The following BORCS5 variants were observed in gnomAD, a reference collection of about 807,000 sequenced individuals.
The protein encoded by BORCS5 is BLOC-1 related complex subunit 5, also known as BLOC-1-related complex subunit 5.
Under a neutral mutation model 22.1 loss-of-function variants are expected in BORCS5, and 17 were observed. The ratio of observed to expected loss-of-function variants is 0.77; its 90% confidence interval spans 0.53 to 1.15. BORCS5 has a LOEUF of 1.15. BORCS5 is among the 50% of genes most tolerant of loss of function. BORCS5 has a pLI of 0.00. For missense variants in BORCS5, 247 were observed against 253.2 expected, an observed-to-expected ratio of 0.98 and a Z score of 0.17; for synonymous variants, 117 against 99.8, an observed-to-expected ratio of 1.17 and a Z score of -1.03.
intron 2 of BORCS5, among the ~76,000 whole-genome samples, chr12:12,399,518 A>G (rs1189048188): frequency 1.3e-5 from 2 of 152,184 alleles, no homozygotes; most frequent in Non-Finnish European, 2.9e-5. Context: ...GAATATAAAG[A>G]TGGAATACAA....
chr12:12,376,512 C>T (rs1408770383), intron 2 of BORCS5, among the ~76,000 whole-genome samples: 1 of 152,072 alleles, frequency 6.6e-6, no homozygotes, highest in Non-Finnish European at 1.5e-5. Flanking sequence ...GGATTACAGG[C>T]GTGAGCCACT....
At position 12,357,504 on chromosome 12, in the gene BORCS5, C is replaced by A. The variant is rs573853353; in HGVS notation, c.53C>A (p.Ser18Tyr). ...GAGAGCCGACCCAACGATCTGAACT[C>A]CTCAGGTCGGTGTCCTAACCTCCCA... The part of the protein sequence containing the change: ...EAESRPNDLN[S>Y]SVTPSPAKHR... The change falls in exon 1 of 4, where the codon TCC becomes TAC. Residue 18 changes from serine to tyrosine, a missense_variant. Coordinates refer to ENST00000314565, the MANE Select transcript of BORCS5 (RefSeq NM_058169.6). The A allele has an allele frequency of 3.1e-5, 50 of 1,609,252 alleles. 1 individual carries two copies. In the South Asian group the frequency reaches 5.5e-4, roughly 18 times the overall value.
Position 12,448,663 on chromosome 12 carries a change from G to A in BORCS5, c.360+12878G>A, listed in dbSNP as rs1181829142. Among the ~76,000 whole-genome samples, 3 of 151,880 alleles carry A rather than the reference G, an allele frequency of 2.0e-5. No homozygotes were observed. The East Asian group carries it at 5.8e-4, about 29-fold the overall frequency. ...CCTGCCTCAGCCTCCCGAGTAGCTG[G>A]GATTATAGGCGCCTGCCATCATGCC... On this transcript the variant is annotated intron_variant, in intron 3 of 3. Coordinates refer to ENST00000314565, the MANE Select transcript of BORCS5 (RefSeq NM_058169.6).
chr12:12,372,810 C>T (rs1340918000), intron 2 of BORCS5, among the ~76,000 whole-genome samples: 1 of 152,148 alleles, frequency 6.6e-6, no homozygotes, highest in Non-Finnish European at 1.5e-5. Context: ...TCTGGAATTT[C>T]ACCTTACAAA....
Position 12,470,133 on chromosome 12 carries a change from C to T in BORCS5, c.*4357C>T, listed in dbSNP as rs1210039236. Among the ~76,000 whole-genome samples, 3 of 152,118 alleles carry T rather than the reference C, an allele frequency of 2.0e-5. No individual in the cohort carries two copies. The highest frequency in any genetic ancestry group is 3.9e-4 in the East Asian group (2 of 5,182). On this transcript the variant is annotated 3_prime_UTR_variant, in exon 4 of 4. Transcript: ENST00000314565. ...TTGCCCAGGCTGGAGTGCAGTGGCA[C>T]GATCTCGGCTCACTGCAACCTCCGC... is the stretch of plus-strand genomic sequence containing the variant.
intron 3 of BORCS5, 72 bp downstream of exon 3, chr12:12,435,857 A>G (rs16908059): frequency 0.091 from 132,919 of 1,461,772 alleles, 7,092 homozygotes; most frequent in East Asian, 0.21. Flanking sequence ...TGCCATCTTA[A>G]GACTTGACAT....
intron 3 of BORCS5, among the ~76,000 whole-genome samples, chr12:12,464,550 A>G (rs1943165179): frequency 6.6e-6 from 1 of 152,076 alleles, no homozygotes; most frequent in African/African-American, 2.4e-5. Flanking sequence ...GAACCTTGGG[A>G]TAGGAGTGTG....
At chr12:12,424,817 T>C (rs1942236969) in intron 2 of BORCS5, among the ~76,000 whole-genome samples, 1 of 152,202 alleles carries the variant, frequency 6.6e-6, no homozygotes, top group South Asian at 2.1e-4. Flanking sequence ...TGGGCATGCA[T>C]AGCAACTTTC....
chr12:12,446,268 AAAGT>A (rs1157253485), intron 3 of BORCS5, among the ~76,000 whole-genome samples: 1 of 152,182 alleles, frequency 6.6e-6, no homozygotes, highest in African/African-American at 2.4e-5. Flanking sequence ...ATAAAAAAAA[AAAGT>A]AAGGGGATAT....
chr12:12,445,670 G>T (rs1411204574), intron 3 of BORCS5, among the ~76,000 whole-genome samples: 7 of 149,502 alleles, frequency 4.7e-5, no homozygotes, highest in African/African-American at 1.7e-4. Flanking sequence ...GTCTTGTTCT[G>T]TCACTTAGGC....
At chr12:12,372,762 A>T (rs1280798618) in intron 2 of BORCS5, among the ~76,000 whole-genome samples, 1 of 152,064 alleles carries the variant, frequency 6.6e-6, no homozygotes, top group African/African-American at 2.4e-5. Flanking sequence ...TCTTCAGAAA[A>T]TATTTGGCCT....
intron 2 of BORCS5, among the ~76,000 whole-genome samples, chr12:12,412,933 ATTC>A (rs1206031905): frequency 1.3e-5 from 1 of 76,466 alleles, no homozygotes; most frequent in African/African-American, 4.6e-5. Flanking sequence ...TTTATTGATA[ATTC>A]TTGGGTGTTT....
intron 1 of BORCS5, 119 bp downstream of exon 1, chr12:12,357,628 G>C: frequency 9.3e-7 from 1 of 1,079,676 alleles, no homozygotes; most frequent in Non-Finnish European, 1.3e-6. Context: ...CCTTCACCGT[G>C]CTAGTAGGAA....
chr12:12,438,385 A>AAAAAAAAAAAAAAAAAC (rs1555156048), intron 3 of BORCS5, among the ~76,000 whole-genome samples: 4 of 126,112 alleles, frequency 3.2e-5, no homozygotes, highest in East Asian at 4.0e-4. Context: ...AAAAAACGAA[A>AAAAAAAAAAAAAAAAAC]AACAACAACA....
intron 3 of BORCS5, among the ~76,000 whole-genome samples, chr12:12,443,810 T>C (rs2136136171): frequency 6.6e-6 from 1 of 152,300 alleles, no homozygotes; most frequent in African/African-American, 2.4e-5. Flanking sequence ...GACAGCTGGC[T>C]CTGCCAGCTT....
chr12:12,426,142 A>G (rs1464705494), intron 2 of BORCS5, among the ~76,000 whole-genome samples: 12 of 152,180 alleles, frequency 7.9e-5, no homozygotes, highest in African/African-American at 1.4e-4. Context: ...AAACTTTTTC[A>G]TTATACCATG....
intron 2 of BORCS5, among the ~76,000 whole-genome samples, chr12:12,402,350 G>C (rs573587056): frequency 6.6e-6 from 1 of 152,234 alleles, no homozygotes; most frequent in African/African-American, 2.4e-5. Context: ...CATGAGATTC[G>C]TGAATTCAGC....
Position 12,435,520 on chromosome 12 carries a change from A to T in BORCS5, c.203-108A>T, listed in dbSNP as rs2136124742. ...TCATTAACATATAACAAAAGATGCA[A>T]GATTAAATTGAAGTCTTACCCTGTC... On this transcript the variant is annotated intron_variant, in intron 2 of 3. Transcript: ENST00000314565. The T allele has an allele frequency of 3.5e-6, 3 of 865,958 alleles. No individual in the cohort carries two copies. The East Asian group carries it at 8.0e-5, about 23-fold the overall frequency. 53.6% of individuals were successfully genotyped at this position (865,958 alleles called of 1,614,324 possible).
rs114989930 is a variant in BORCS5, at chr12:12,387,845, A to G, written c.202+26496A>G. Among the ~76,000 whole-genome samples the G allele has an allele frequency of 1.9e-3, 281 of 151,586 alleles. 10 individuals are homozygous for G. Among genetic ancestry groups the G allele is most frequent in the African/African-American group, 6.7e-3 (275 of 41,334 alleles). On this transcript the variant is annotated intron_variant, in intron 2 of 3. Coordinates refer to ENST00000314565, the MANE Select transcript of BORCS5 (RefSeq NM_058169.6). Reference sequence around the variant, plus strand: ...ACAGTTCAGTGTCACATGTAGCCTCAGTTTCTAGCTTGTTGAAGCCTTTTT... The same window carrying G: ...ACAGTTCAGTGTCACATGTAGCCTCGGTTTCTAGCTTGTTGAAGCCTTTTT...
Sources: gnomAD v4.1 joint callset for allele counts (sites outside exome capture counted in the v4.1 genomes callset) on GRCh38, gnomAD v4.1.1 for gene constraint, MANE v1.5 for transcripts, NCBI Gene and HGNC (gene_info 2026-07-23, HGNC 2026-07-21) for gene names.